The following PLXNA4 variants were observed in gnomAD, a reference collection of about 807,000 sequenced individuals.
PLXNA4 encodes plexin-A4.
A neutral mutation model predicts 191.8 loss-of-function variants in PLXNA4; 44 were observed. The ratio of observed to expected loss-of-function variants is 0.23; its 90% confidence interval spans 0.18 to 0.29. PLXNA4 has a LOEUF of 0.29. PLXNA4 is among the 10% of genes least tolerant of loss of function. The pLI is 1.00. For synonymous variants in PLXNA4, 1,082 were observed against 1,009.5 expected (o/e 1.07, Z -1.36); for missense variants, 1,800 against 2,488.8 (o/e 0.72, Z 5.89).
At chr7:132,583,672 C>T (rs577897958) in intron 2 of PLXNA4, among the ~76,000 whole-genome samples, 1 of 152,362 alleles carries the variant, frequency 6.6e-6, no homozygotes, top group East Asian at 1.9e-4. Flanking sequence ...CCTCTCTCCA[C>T]TTTAGTGTCT....
At chr7:132,640,696 C>T (rs1356056021) in intron 2 of PLXNA4, among the ~76,000 whole-genome samples, 1 of 151,826 alleles carries the variant, frequency 6.6e-6, no homozygotes, top group East Asian at 1.9e-4. Context: ...TTATGGCAGC[C>T]CAAGCTGACC....
rs576092933 is a variant in PLXNA4, at chr7:132,340,231, T to C, written c.1372-42009A>G. ...AGGGTTGAGGGTCTAAGGAAAATTG[T>C]ACCAAACACTCCTCCCATCCCTCTT... On this transcript the variant is annotated intron_variant, in intron 3 of 31. Coordinates refer to ENST00000321063, the MANE Select transcript of PLXNA4 (RefSeq NM_020911.2). Among the ~76,000 whole-genome samples the C allele has an allele frequency of 6.6e-5, 10 of 152,314 alleles. No individual in the cohort carries two copies. The East Asian group carries it at 1.9e-3, about 29-fold the overall frequency.
chr7:132,362,926 T>C (rs746281820), intron 3 of PLXNA4, among the ~76,000 whole-genome samples: 3 of 152,216 alleles, frequency 2.0e-5, no homozygotes, highest in African/African-American at 4.8e-5. Context: ...TAAAGTTCAG[T>C]GTCATTAAGT....
At chr7:132,471,283 T>C (rs1014128276) in intron 3 of PLXNA4, among the ~76,000 whole-genome samples, 1 of 152,202 alleles carries the variant, frequency 6.6e-6, no homozygotes, top group South Asian at 2.1e-4. Flanking sequence ...ACCTCTTTTC[T>C]TTATAAAGTA....
chr7:132,488,791 T>A (rs528600970), intron 3 of PLXNA4, among the ~76,000 whole-genome samples: 7 of 152,298 alleles, frequency 4.6e-5, no homozygotes, highest in African/African-American at 1.4e-4. Context: ...ATTGCACCCG[T>A]GGTTTTCTCA....
intron 2 of PLXNA4, among the ~76,000 whole-genome samples, chr7:132,645,198 A>G: frequency 6.6e-6 from 1 of 152,164 alleles, no homozygotes; most frequent in Admixed American, 6.5e-5. Flanking sequence ...CCAGTCTGAT[A>G]TGGTTTGGCT....
Position 132,606,079 on chromosome 7 carries a change from G to A in PLXNA4, c.-87+39849C>T, listed in dbSNP as rs147713751. Among the ~76,000 whole-genome samples the A allele has an allele frequency of 6.4e-3, 979 of 152,292 alleles. 16 individuals carry two copies. Among genetic ancestry groups the A allele is most frequent in the African/African-American group, 0.021 (891 of 41,564 alleles). ...CAAGGGAGGCTGAGGCACGAGAATCGCTTGAACCTGGGAGGCGGAGGTTGC... is the reference window on the plus strand; with the variant it reads ...CAAGGGAGGCTGAGGCACGAGAATCACTTGAACCTGGGAGGCGGAGGTTGC... On this transcript the variant is annotated intron_variant, in intron 2 of 4. Transcript: ENST00000378539.
chr7:132,584,818 T>C (rs1802477923), intron 2 of PLXNA4, among the ~76,000 whole-genome samples: 1 of 152,228 alleles, frequency 6.6e-6, no homozygotes, highest in South Asian at 2.1e-4. Flanking sequence ...TTCTCCATTT[T>C]TCAAAAAGCT....
intron 2 of PLXNA4, among the ~76,000 whole-genome samples, chr7:132,636,559 C>A (rs1411504850): frequency 6.6e-6 from 1 of 152,206 alleles, no homozygotes; most frequent in Non-Finnish European, 1.5e-5. Context: ...TGCCCTGAGG[C>A]AAGTGGGTTT....
intron 4 of PLXNA4, among the ~76,000 whole-genome samples, chr7:132,246,796 A>C (rs149074961): frequency 3.4e-4 from 43 of 125,888 alleles, no homozygotes; most frequent in Non-Finnish European, 5.5e-4. Flanking sequence ...CATCATCATC[A>C]TCATCATCAT....
At chr7:132,305,727 C>A (rs1482330230) in intron 3 of PLXNA4, among the ~76,000 whole-genome samples, 1 of 152,152 alleles carries the variant, frequency 6.6e-6, no homozygotes, top group Non-Finnish European at 1.5e-5. Context: ...AATATAGTCT[C>A]CCAGTAGCAG....
intron 25 of PLXNA4, among the ~76,000 whole-genome samples, chr7:132,154,289 G>A (rs577764950): frequency 7.0e-4 from 107 of 152,280 alleles, no homozygotes; most frequent in Non-Finnish European, 1.2e-3. Flanking sequence ...ACCTGGCCAC[G>A]CTGAAGTGCT....
At chr7:132,270,893 G>GT (rs1800043272) in intron 4 of PLXNA4, among the ~76,000 whole-genome samples, 1 of 152,162 alleles carries the variant, frequency 6.6e-6, no homozygotes, top group African/African-American at 2.4e-5. Flanking sequence ...ATAGAAAAAT[G>GT]TTTTTTGAAA....
intron 3 of PLXNA4, among the ~76,000 whole-genome samples, chr7:132,412,069 C>T (rs1056371977): frequency 1.3e-5 from 2 of 152,126 alleles, no homozygotes; most frequent in Admixed American, 6.5e-5. Flanking sequence ...ACTGTGTCCT[C>T]GACTTAGAAC....
chr7:132,634,448 G>A (rs1440247162), intron 2 of PLXNA4, among the ~76,000 whole-genome samples: 1 of 149,862 alleles, frequency 6.7e-6, no homozygotes, highest in Non-Finnish European at 1.5e-5. Flanking sequence ...CATACACACA[G>A]GAACACTGCC....
intron 3 of PLXNA4, among the ~76,000 whole-genome samples, chr7:132,328,605 T>C (rs1802468344): frequency 6.6e-6 from 1 of 152,200 alleles, no homozygotes. Flanking sequence ...TTCCTCGCCT[T>C]GGAGAAATAA....
intron 1 of PLXNA4, among the ~76,000 whole-genome samples, chr7:132,575,491 T>C (rs943818180): frequency 3.0e-4 from 45 of 152,062 alleles, no homozygotes; most frequent in African/African-American, 1.1e-3. Context: ...CTAGTTCTCT[T>C]TCTCAGACAC....
chr7:132,136,790 A>G (rs1795127007), intron 30 of PLXNA4, among the ~76,000 whole-genome samples: 1 of 152,084 alleles, frequency 6.6e-6, no homozygotes, highest in Admixed American at 6.5e-5. Flanking sequence ...TCCTCCACAC[A>G]CCTCGAGGAT....
At chr7:132,503,738 A>C (rs1798347696) in intron 2 of PLXNA4, among the ~76,000 whole-genome samples, 1 of 152,224 alleles carries the variant, frequency 6.6e-6, no homozygotes, top group Non-Finnish European at 1.5e-5. Context: ...ATGAGTGCTC[A>C]TTAGCAAATC....
Sources: allele counts gnomAD v4.1 joint callset (sites outside exome capture counted in the v4.1 genomes callset), GRCh38; gene constraint gnomAD v4.1.1; transcripts MANE v1.5; gene names NCBI Gene and HGNC (gene_info 2026-07-23, HGNC 2026-07-21).